The following CD300LG variants were observed in gnomAD, a reference collection of about 807,000 sequenced individuals.
CD300LG encodes the protein CMRF35-like molecule 9.
Under a neutral mutation model 31.5 loss-of-function variants are expected in CD300LG, and 29 were observed. That is an observed-to-expected ratio of 0.92 (90% CI 0.68 to 1.25). The LOEUF (loss-of-function observed/expected upper bound fraction) is 1.25, where lower values mean the gene tolerates loss of function less well. Among genes scored for constraint, CD300LG ranks in the 50% most tolerant of loss-of-function variants. The probability of loss-of-function intolerance (pLI) is 0.00; values close to 1 mark genes in which losing one functional copy is unlikely to be tolerated. For synonymous variants in CD300LG, 175 were observed against 177.2 expected, an observed-to-expected ratio of 0.99 and a Z score of 0.10; for missense variants, 396 against 417.6, an observed-to-expected ratio of 0.95 and a Z score of 0.45.
Position 43,857,873 on chromosome 17 carries a change from G to A in CD300LG, c.885+717G>A, listed in dbSNP as rs1164467487. 8 of 1,537,040 alleles carry A rather than the reference G, an allele frequency of 5.2e-6. No individual in the cohort carries two copies. The South Asian group carries it at 9.5e-5, about 18-fold the overall frequency. The stretch of plus-strand genomic sequence containing the variant: ...CTCTGGGACCCAGGCTGAGGGTGGT[G>A]CTCTGGGGACCAGGGGCAAGAGAAT... On this transcript the variant is annotated intron_variant, in intron 6 of 6. Coordinates refer to ENST00000317310, the MANE Select transcript of CD300LG (RefSeq NM_145273.4).
chr17:43,847,380 G>GTT, intron 1 of CD300LG, 121 bp downstream of exon 1: 2 of 1,075,656 alleles, frequency 1.9e-6, no homozygotes, highest in Non-Finnish European at 2.6e-6. Context: ...CAGCCCTAGG[G>GTT]GAGCGGGGCG....
chr17:43,854,269 G>A (rs1404676740), intron 4 of CD300LG, among the ~76,000 whole-genome samples: 2 of 152,220 alleles, frequency 1.3e-5, no homozygotes, highest in Non-Finnish European at 2.9e-5. Flanking sequence ...GGTCCACCAG[G>A]ATCCCAGTCC....
chr17:43,853,304 G>A (rs1360428595), intron 3 of CD300LG, among the ~76,000 whole-genome samples: 1 of 152,204 alleles, frequency 6.6e-6, no homozygotes, highest in Non-Finnish European at 1.5e-5. Context: ...CAGGCCTTGG[G>A]CCCTGACCTC....
At chr17:43,851,809 C>T (rs2046367292) in intron 2 of CD300LG, among the ~76,000 whole-genome samples, 1 of 151,978 alleles carries the variant, frequency 6.6e-6, no homozygotes, top group Non-Finnish European at 1.5e-5. Flanking sequence ...CCTGCCTTGG[C>T]CTCCCAAGAG....
intron 2 of CD300LG, among the ~76,000 whole-genome samples, chr17:43,851,005 G>A (rs1336548563): frequency 2.6e-5 from 4 of 151,816 alleles, no homozygotes; most frequent in African/African-American, 9.7e-5. Flanking sequence ...CATAGTGGCA[G>A]GTGCCTGTAA....
In CD300LG at chr17:43,850,918, C is replaced by T. The variant is rs376035815; in HGVS notation, c.380-1994C>T. On this transcript the variant is annotated intron_variant, in intron 2 of 6. Transcript: ENST00000317310. ...TTGGGAGGTCAAGGCGGGTGGATCACGAGGTCAGGAGTTCAAGACCAGCCT... is the reference window on the plus strand; with the variant it reads ...TTGGGAGGTCAAGGCGGGTGGATCATGAGGTCAGGAGTTCAAGACCAGCCT... Among the ~76,000 whole-genome samples, 558 of 152,066 alleles carry T rather than the reference C, an allele frequency of 3.7e-3. 1 individual carries two copies. Among genetic ancestry groups the T allele is most frequent in the African/African-American group, 0.013 (538 of 41,474 alleles).
intron 5 of CD300LG, chr17:43,855,540 C>G (rs1343036624): frequency 4.5e-6 from 2 of 447,780 alleles, no homozygotes; most frequent in Non-Finnish European, 8.0e-6. Context: ...GAAGGGTTCT[C>G]AGCTTCTTCC....
chr17:43,850,424 A>G (rs139969279), intron 2 of CD300LG, among the ~76,000 whole-genome samples: 3 of 152,096 alleles, frequency 2.0e-5, no homozygotes, highest in Admixed American at 6.5e-5. Context: ...AGCCACTATC[A>G]TTTCTTTTCT....
chr17:43,860,645 T>C (rs1178466276), intron 6 of CD300LG, among the ~76,000 whole-genome samples: 1 of 152,242 alleles, frequency 6.6e-6, no homozygotes, highest in Non-Finnish European at 1.5e-5. Flanking sequence ...GGTCTCCTCA[T>C]CTGATGGATA....
chr17:43,851,133 C>CAAAA (rs777282117), intron 2 of CD300LG, among the ~76,000 whole-genome samples: 21 of 40,434 alleles, frequency 5.2e-4, no homozygotes, highest in Admixed American at 5.3e-4. Context: ...GACTCAGTCT[C>CAAAA]AAAAAAAAAA....
At chr17:43,858,624 C>T (rs1041120167) in intron 6 of CD300LG, 1 of 985,316 alleles carries the variant, frequency 1.0e-6, no homozygotes, top group Non-Finnish European at 1.2e-6. Context: ...CCAAGAGGGT[C>T]AGAGGCAAGA....
At chr17:43,847,779 A>G (rs2046225663) in intron 1 of CD300LG, among the ~76,000 whole-genome samples, 1 of 151,896 alleles carries the variant, frequency 6.6e-6, no homozygotes. Flanking sequence ...CTCTACAAAC[A>G]AACAAACAAA....
intron 2 of CD300LG, among the ~76,000 whole-genome samples, chr17:43,850,171 G>A (rs142516182): frequency 6.6e-6 from 1 of 152,202 alleles, no homozygotes; most frequent in Non-Finnish European, 1.5e-5. Flanking sequence ...GTGATGTGCT[G>A]GTAAATGTTT....
intron 6 of CD300LG, chr17:43,861,185 C>T (rs770915827): frequency 3.0e-6 from 3 of 985,274 alleles, no homozygotes; most frequent in Admixed American, 6.1e-5. Context: ...CCTTGCAGGG[C>T]CCATGGGGTC....
chr17:43,854,673 C>G (rs1410760540), intron 4 of CD300LG, among the ~76,000 whole-genome samples: 2 of 152,098 alleles, frequency 1.3e-5, no homozygotes, highest in African/African-American at 4.8e-5. Flanking sequence ...GTGACACCAG[C>G]CCAGATACAG....
chr17:43,848,539 A>C lies in CD300LG; in HGVS notation c.44-19A>C. On this transcript the variant is annotated intron_variant, in intron 1 of 6. Coordinates refer to ENST00000317310, the MANE Select transcript of CD300LG (RefSeq NM_145273.4). ...ATGGAGCCTGGTTTTTCCAACCTCC[A>C]CTCCTGCTCTGATTTTAGGTTATGA... The C allele has an allele frequency of 6.3e-7, 1 of 1,599,566 alleles. No individual in the cohort carries two copies. The highest frequency in any genetic ancestry group is 8.5e-7 in the Non-Finnish European group (1 of 1,170,094).
rs764809817 is a variant in CD300LG, at chr17:43,853,969, G to A, written c.644G>A (p.Arg215His). ...ACCTCTCCTCCTGCAGGGAGCTCCCGCCCCCCCATGCAGCTGGACTCCACC... is the reference window on the plus strand; with the variant it reads ...ACCTCTCCTCCTGCAGGGAGCTCCCACCCCCCCATGCAGCTGGACTCCACC... Reference protein sequence around the residue: ...PATSPPAGSSRPPMQLDSTSA... With the variant: ...PATSPPAGSSHPPMQLDSTSA... Residue 215 changes from arginine (R) to histidine (H), a missense_variant, in exon 4 of 7, where the codon CGC (arginine) becomes CAC (histidine). Transcript: ENST00000317310. 1.2e-5 allele frequency: 20 copies of A among 1,613,926 alleles called. No homozygotes were observed. The highest frequency in any genetic ancestry group is 8.8e-5 in the South Asian group (8 of 91,068).
chr17:43,858,578 C>T (rs1249064936), intron 6 of CD300LG: 10 of 985,264 alleles, frequency 1.0e-5, no homozygotes, highest in African/African-American at 3.5e-5. Flanking sequence ...CTCTAGGGGG[C>T]GGCCCCTTGT....
intron 6 of CD300LG, chr17:43,858,772 AG>A: frequency 1.1e-6 from 1 of 918,538 alleles, no homozygotes; most frequent in Non-Finnish European, 1.3e-6. Context: ...CGGGTCAAAG[AG>A]GGAGGGGGAT....
Sources: gnomAD v4.1 joint callset for allele counts (sites outside exome capture counted in the v4.1 genomes callset) on GRCh38, gnomAD v4.1.1 for gene constraint, MANE v1.5 for transcripts, NCBI Gene and HGNC (gene_info 2026-07-23, HGNC 2026-07-21) for gene names.